The following SAMD3 variants were observed in gnomAD, a reference collection of about 807,000 sequenced individuals.
The protein encoded by SAMD3 is sterile alpha motif domain containing 3.
SAMD3 carries 63 observed loss-of-function variants against 58.5 expected under a neutral mutation model. The ratio of observed to expected loss-of-function variants is 1.08; its 90% CI spans 0.88 to 1.33. The LOEUF is 1.33. Among genes scored for constraint, SAMD3 ranks in the 40% most tolerant of loss-of-function variants. The probability of loss-of-function intolerance (pLI) is 0.00; values close to 1 mark genes in which losing one functional copy is unlikely to be tolerated. For missense variants in SAMD3, 604 were observed against 608.4 expected (o/e 0.99, Z 0.08); for synonymous variants, 220 against 210.3 (o/e 1.05, Z -0.40).
chr6:130,200,209 T>C (rs1794518885), intron 5 of SAMD3, among the ~76,000 whole-genome samples: 1 of 152,090 alleles, frequency 6.6e-6, no homozygotes, highest in South Asian at 2.1e-4. Flanking sequence ...TACCATGACA[T>C]GCACGTCAAC....
intron 8 of SAMD3, chr6:130,161,252 TC>T (rs1423958492): frequency 6.6e-6 from 1 of 152,204 alleles, no homozygotes; most frequent in Non-Finnish European, 1.5e-5. Flanking sequence ...TAGTTTTTCT[TC>T]TGTATGTCTC....
At chr6:130,314,473 G>A (rs528997632) in intron 1 of SAMD3, among the ~76,000 whole-genome samples, 18 of 152,262 alleles carry the variant, frequency 1.2e-4, no homozygotes, top group Admixed American at 4.6e-4. Flanking sequence ...AAAGGCATAC[G>A]TTCTTACAGT....
At chr6:130,232,146 A>G (rs907687356) in intron 2 of SAMD3, among the ~76,000 whole-genome samples, 2 of 152,138 alleles carry the variant, frequency 1.3e-5, no homozygotes, top group Admixed American at 1.3e-4. Context: ...GGCCTAGCCA[A>G]TACAGTGTAG....
intron 2 of SAMD3, among the ~76,000 whole-genome samples, chr6:130,291,049 C>A (rs538270115): frequency 6.6e-6 from 1 of 152,166 alleles, no homozygotes; most frequent in Admixed American, 6.5e-5. Context: ...ATGTGTGGTT[C>A]ACAAAATATG....
chr6:130,174,092 G>A (rs2095451), intron 8 of SAMD3, among the ~76,000 whole-genome samples: 100,136 of 152,090 alleles, frequency 0.66, 34,649 homozygotes, highest in East Asian at 0.93. Context: ...TTTCAAGCCC[G>A]TGGTTCTTAG....
chr6:130,238,329 A>G (rs1046380035), intron 2 of SAMD3, among the ~76,000 whole-genome samples: 10 of 152,214 alleles, frequency 6.6e-5, no homozygotes, highest in Non-Finnish European at 1.5e-4. Context: ...TAGCAAGTGG[A>G]TTATTTTATC....
At chr6:130,287,440 G>A (rs951229211) in intron 2 of SAMD3, among the ~76,000 whole-genome samples, 2 of 152,138 alleles carry the variant, frequency 1.3e-5, no homozygotes, top group Non-Finnish European at 2.9e-5. Context: ...AAGGGGAAAA[G>A]CAGAATAAAT....
rs538405804 is a variant in SAMD3 at position 130,221,015 on chromosome 6, A to G, written c.-68+1679T>C. Among the ~76,000 whole-genome samples, 1,089 of 152,138 alleles carry G rather than the reference A, an allele frequency of 7.2e-3. 5 individuals are homozygous for G. Among genetic ancestry groups the G allele is most frequent in the Middle Eastern group, 0.024 (7 of 294 alleles). On this transcript the variant is annotated intron_variant, in intron 1 of 11. Transcript: ENST00000439090. ...ACTACGGGTGCCCACCACCACGCCC[A>G]GCTAATTTTTTTGTGTTTTTAGTAG...
rs1035922138 is a variant in SAMD3, at chr6:130,199,623, G to T, written c.383+9872C>A. ...CCTGGGAATTACCTTCTTTATCTTG[G>T]CAAGAGTAGCTACTGCTAAGAAAAC... On this transcript the variant is annotated intron_variant, in intron 5 of 11. Coordinates refer to ENST00000439090, the MANE Select transcript of SAMD3 (RefSeq NM_001017373.4). Among the ~76,000 whole-genome samples, 6 of 152,116 alleles carry T rather than the reference G, an allele frequency of 3.9e-5. 1 individual carries two copies. Among genetic ancestry groups the T allele is most frequent in the African/African-American group, 1.4e-4 (6 of 41,424 alleles).
rs78037816 is a variant in SAMD3 at position 130,318,751 on chromosome 6, C to T, written c.-303-5658G>A. On this transcript the variant is annotated intron_variant, in intron 1 of 13. Transcript: ENST00000368134. ...GCCCATCTAATAAAATATTAATAGG[C>T]ATGGAAAGACACAGGAAAACAGGGC... Among the ~76,000 whole-genome samples the T allele has an allele frequency of 4.0e-3, 614 of 152,118 alleles. 5 individuals carry two copies. Among genetic ancestry groups the T allele is most frequent in the African/African-American group, 0.014 (570 of 41,496 alleles).
At chr6:130,185,628 A>T (rs192337992) in intron 5 of SAMD3, among the ~76,000 whole-genome samples, 4,080 of 132,364 alleles carry the variant, frequency 0.031, 77 homozygotes, top group Non-Finnish European at 0.043. Context: ...CATCTGCCCA[A>T]TTTTTTTTTT....
intron 1 of SAMD3, among the ~76,000 whole-genome samples, chr6:130,328,761 C>A (rs1045199032): frequency 1.6e-4 from 24 of 152,246 alleles, no homozygotes; most frequent in African/African-American, 4.8e-4. Flanking sequence ...ATCCAAGTAC[C>A]CAGTTTGCTG....
intron 7 of SAMD3, among the ~76,000 whole-genome samples, chr6:130,177,850 T>C (rs1425221724): frequency 6.6e-6 from 1 of 152,132 alleles, no homozygotes; most frequent in Admixed American, 6.5e-5. Context: ...TATAAATGTT[T>C]GATGTCTTGT....
intron 2 of SAMD3, among the ~76,000 whole-genome samples, chr6:130,269,263 G>A (rs1002337133): frequency 6.6e-5 from 10 of 152,226 alleles, no homozygotes; most frequent in African/African-American, 2.2e-4. Context: ...AAATCATTGG[G>A]TATATTCATG....
chr6:130,267,165 A>T (rs1486782346), intron 2 of SAMD3, among the ~76,000 whole-genome samples: 1 of 152,198 alleles, frequency 6.6e-6, no homozygotes, highest in Non-Finnish European at 1.5e-5. Context: ...TTAAAGACAT[A>T]GTTAAAGATA....
chr6:130,193,919 C>T (rs1237462351), intron 5 of SAMD3, among the ~76,000 whole-genome samples: 1 of 152,134 alleles, frequency 6.6e-6, no homozygotes, highest in Non-Finnish European at 1.5e-5. Context: ...TCCCTCCCTC[C>T]TGTCCCCTCA....
chr6:130,144,565 C>T lies in SAMD3; in HGVS notation c.1518G>A (p.Leu506=). 6.2e-7 allele frequency: 1 copy of T among 1,613,888 alleles called. No homozygotes were observed. The highest frequency in any genetic ancestry group is 1.7e-5 in the Admixed American group (1 of 59,964). The change falls in exon 12 of 12, where the codon TTG becomes TTA. Residue 506 remains leucine (L), a synonymous_variant. Coordinates refer to ENST00000439090, the MANE Select transcript of SAMD3 (RefSeq NM_001017373.4). ...ATCCTACTTCGTTTTCCTTTTCTTTCAAAGAAGGAAAATAAGGACTGTGCA... is the reference window on the plus strand; with the variant it reads ...ATCCTACTTCGTTTTCCTTTTCTTTTAAAGAAGGAAAATAAGGACTGTGCA... The part of the protein sequence containing the change: ...FDMHSPYFPS[L]KEKENEVGFQ...
At chr6:130,318,709 A>T (rs1260012103) in intron 1 of SAMD3, among the ~76,000 whole-genome samples, 1 of 152,186 alleles carries the variant, frequency 6.6e-6, no homozygotes, top group Admixed American at 6.5e-5. Context: ...GATTACAGGC[A>T]TGAGCCACTG....
intron 4 of SAMD3, among the ~76,000 whole-genome samples, chr6:130,213,801 T>TA (rs1795784370): frequency 6.6e-6 from 1 of 152,222 alleles, no homozygotes; most frequent in Admixed American, 6.5e-5. Flanking sequence ...TTGGGGTGTT[T>TA]CATAGTGTTC....
Sources: gnomAD v4.1 joint callset for allele counts (sites outside exome capture counted in the v4.1 genomes callset) on GRCh38, gnomAD v4.1.1 for gene constraint, MANE v1.5 for transcripts, NCBI Gene and HGNC (gene_info 2026-07-23, HGNC 2026-07-21) for gene names.